Variants in SYTL2 observed in about 807,000 individuals in gnomAD.
SYTL2 encodes the protein synaptotagmin-like protein 2.
In SYTL2, 165 loss-of-function variants were observed where a neutral mutation model predicts 198.7. The observed-to-expected ratio is 0.83, with a 90% CI of 0.73 to 0.94. The LOEUF (loss-of-function observed/expected upper bound fraction) is 0.94, where lower values mean the gene tolerates loss of function less well. Among genes scored for constraint, SYTL2 ranks in the 40% least tolerant of loss-of-function variants. The probability of loss-of-function intolerance (pLI) is 0.00; values close to 1 mark genes in which losing one functional copy is unlikely to be tolerated. For synonymous variants in SYTL2, 966 were observed against 917.7 expected, an observed-to-expected ratio of 1.05 and a Z score of -0.95; for missense variants, 2,835 against 2,582.8, an observed-to-expected ratio of 1.10 and a Z score of -2.12.
At chr11:85,787,701 C>CTTTTTTTTTTTTTTTTTTTTTTTTCT (rs56177666) in intron 1 of SYTL2, among the ~76,000 whole-genome samples, 2 of 90,396 alleles carry the variant, frequency 2.2e-5, no homozygotes, top group African/African-American at 3.5e-5. Flanking sequence ...TTTTCTTTTC[C>CTTTTTTTTTTTTTTTTTTTTTTTTCT]TTTTTTTTTT....
chr11:85,714,611 T>G (rs2086859158), intron 11 of SYTL2, 104 bp from the exon 12 acceptor site: 1 of 1,478,932 alleles, frequency 6.8e-7, no homozygotes, highest in Non-Finnish European at 9.0e-7. Context: ...ACAAACATGT[T>G]TTTGTAAAAA....
chr11:85,833,389 A>G, the SYTL2 span, among the ~76,000 whole-genome samples: 1 of 148,394 alleles, frequency 6.7e-6, no homozygotes, highest in Non-Finnish European at 1.5e-5. Context: ...TCTCATATAT[A>G]TATCATACAT....
At chr11:85,704,692 T>C (rs1032191594) in intron 16 of SYTL2, among the ~76,000 whole-genome samples, 166 bp downstream of exon 16, 2 of 152,208 alleles carry the variant, frequency 1.3e-5, no homozygotes, top group Non-Finnish European at 2.9e-5. Flanking sequence ...TTAAATGATT[T>C]AAACATGTTC....
At chr11:85,828,537 T>C in the SYTL2 span, among the ~76,000 whole-genome samples, 1 of 152,190 alleles carries the variant, frequency 6.6e-6, no homozygotes, top group African/African-American at 2.4e-5. Flanking sequence ...ATTTAACTAT[T>C]TACATTCTCT....
intron 1 of SYTL2, among the ~76,000 whole-genome samples, chr11:85,808,939 T>C (rs542200010): frequency 1.3e-5 from 2 of 152,082 alleles, no homozygotes; most frequent in Middle Eastern, 3.4e-3. Flanking sequence ...TAAAAATTCT[T>C]TGTAAAACAG....
intron 1 of SYTL2, among the ~76,000 whole-genome samples, chr11:85,794,653 A>G (rs953208464): frequency 4.6e-5 from 7 of 152,146 alleles, no homozygotes; most frequent in African/African-American, 1.4e-4. Context: ...AGACTTTTCT[A>G]CTTGCTTGGG....
chr11:85,782,081 G>A (rs1226999735), intron 1 of SYTL2, among the ~76,000 whole-genome samples: 3 of 152,220 alleles, frequency 2.0e-5, no homozygotes, highest in African/African-American at 4.8e-5. Context: ...GGTTCTCCAT[G>A]AGAGTCCCAC....
intron 1 of SYTL2, among the ~76,000 whole-genome samples, chr11:85,801,969 C>T (rs2092895463): frequency 6.6e-6 from 1 of 151,886 alleles, no homozygotes; most frequent in African/African-American, 2.4e-5. Context: ...CACCCACCAC[C>T]ATGCCCGGCT....
chr11:85,736,740 G>A, intron 5 of SYTL2, 125 bp from the exon 6 acceptor site: 1 of 637,676 alleles, frequency 1.6e-6, no homozygotes, highest in Non-Finnish European at 2.7e-6. Flanking sequence ...TGGCATGTTT[G>A]AAAAACAGTT....
At position 85,725,825 on chromosome 11, in the gene SYTL2, G is replaced by C. The variant is rs597480; in HGVS notation, c.3533C>G (p.Ala1178Gly). 0.62 allele frequency: 994,056 copies of C among 1,613,668 alleles called. 309,925 individuals carry two copies. The highest frequency in any genetic ancestry group is 0.64 in the Non-Finnish European group (754,699 of 1,179,860). The part of the protein sequence containing the change: ...NRTWPQKTDF[A>G]DTEEEVKGPE... The stretch of plus-strand genomic sequence containing the variant: ...TCCTTTGACTTCTTCCTCAGTATCA[G>C]CAAAATCTGTTTTTTGAGGCCATGT... The change falls in exon 8 of 20, where the codon GCT becomes GGT. Residue 1178 changes from alanine to glycine, a missense_variant. By Grantham distance (60) the Ala-to-Gly change is moderately conservative. This residue lies in a region of SYTL2 where 2,645 missense variants were observed against 2,381.7 expected (regional missense o/e 1.11). Transcript: ENST00000359152.
chr11:85,785,385 G>A (rs1447463249), intron 1 of SYTL2, among the ~76,000 whole-genome samples: 6 of 152,108 alleles, frequency 3.9e-5, no homozygotes, highest in African/African-American at 1.2e-4. Flanking sequence ...GAAAACAGAA[G>A]GAAAAGTGGG....
chr11:85,749,234 T>C (rs1393560505), intron 2 of SYTL2, among the ~76,000 whole-genome samples: 1 of 152,186 alleles, frequency 6.6e-6, no homozygotes, highest in Non-Finnish European at 1.5e-5. Context: ...CATCTCTCTA[T>C]CCATCTCAGT....
the SYTL2 span, chr11:85,854,622 G>A: frequency 6.6e-6 from 1 of 152,246 alleles, no homozygotes; most frequent in Non-Finnish European, 1.5e-5. Context: ...AAGAATTAGT[G>A]CACGAAAGTA....
At chr11:85,849,497 C>T in the SYTL2 span, among the ~76,000 whole-genome samples, 3 of 152,206 alleles carry the variant, frequency 2.0e-5, no homozygotes, top group Admixed American at 6.5e-5. Context: ...CAAGTTTCAG[C>T]TTTCTACATA....
chr11:85,710,727 C>T (rs1317813379), intron 13 of SYTL2, among the ~76,000 whole-genome samples: 2 of 152,048 alleles, frequency 1.3e-5, no homozygotes, highest in Non-Finnish European at 2.9e-5. Context: ...ATTGATTGCT[C>T]AGGATTACTA....
In SYTL2 at chr11:85,757,979, C is replaced by T. The variant is rs947578822; in HGVS notation, c.-254G>A. On this transcript the variant is annotated 5_prime_UTR_variant, in exon 2 of 20. Coordinates refer to ENST00000359152, the MANE Select transcript of SYTL2 (RefSeq NM_206927.4). ...GAGGCTCTCAGAAGGATGCTGTATT[C>T]CTTGCCAAACAGGTCGCTTGTTCCT... 1 of 425,822 alleles carries T rather than the reference C, an allele frequency of 2.3e-6. No homozygotes were observed. The highest frequency in any genetic ancestry group is 2.0e-5 in the African/African-American group (1 of 50,506). The allele number at this position is 425,822 out of a possible 1,614,324, so 26.4% of individuals were successfully genotyped here.
At chr11:85,851,388 C>G in the SYTL2 span, among the ~76,000 whole-genome samples, 1 of 152,166 alleles carries the variant, frequency 6.6e-6, no homozygotes, top group Non-Finnish European at 1.5e-5. Flanking sequence ...TAGTTCGGGT[C>G]TTTACAAATT....
the SYTL2 span, among the ~76,000 whole-genome samples, chr11:85,821,880 G>T: frequency 2.6e-5 from 4 of 152,178 alleles, no homozygotes; most frequent in African/African-American, 9.7e-5. Flanking sequence ...ACTGGGTGTT[G>T]TTGCTCTTGA....
chr11:85,748,025 AT>A (rs1013302848), intron 3 of SYTL2, among the ~76,000 whole-genome samples: 9 of 152,174 alleles, frequency 5.9e-5, no homozygotes, highest in African/African-American at 1.7e-4. Flanking sequence ...CCAACTATCT[AT>A]GCTACTATAA....
Sources: gnomAD v4.1 joint callset for allele counts (sites outside exome capture counted in the v4.1 genomes callset) on GRCh38, gnomAD v4.1.1 for gene constraint, gnomAD v4.1.1 regional missense constraint, MANE v1.5 for transcripts, NCBI Gene and HGNC (gene_info 2026-07-23, HGNC 2026-07-21) for gene names.